MAGI2: variants seen among roughly 807,000 people sequenced by gnomAD.
The protein encoded by MAGI2 is membrane associated guanylate kinase, WW and PDZ domain containing 2.
In MAGI2, 35 loss-of-function variants were observed where a neutral mutation model predicts 133.3. The observed-to-expected ratio is 0.26, with a 90% CI of 0.20 to 0.35. MAGI2 has a LOEUF of 0.35. Among genes scored for constraint, MAGI2 ranks in the 10% least tolerant of loss-of-function variants. MAGI2 has a pLI of 1.00. For synonymous variants in MAGI2, 729 were observed against 710.6 expected (o/e 1.03, Z -0.41); for missense variants, 1,636 against 1,863.4 (o/e 0.88, Z 2.25).
At chr7:78,417,066 C>G (rs1026959744) in intron 6 of MAGI2, among the ~76,000 whole-genome samples, 1 of 151,992 alleles carries the variant, frequency 6.6e-6, no homozygotes, top group Non-Finnish European at 1.5e-5. Flanking sequence ...AGGATAAAAT[C>G]CTAATAAAAG....
chr7:78,252,319 GACAA>G (rs1226776391), intron 10 of MAGI2: 1 of 151,978 alleles, frequency 6.6e-6, no homozygotes, highest in African/African-American at 2.4e-5. Context: ...CACAAGAATA[GACAA>G]ACAGATCAAT....
chr7:78,172,975 T>G (rs560900310), intron 14 of MAGI2, among the ~76,000 whole-genome samples: 260 of 152,364 alleles, frequency 1.7e-3, no homozygotes, highest in Middle Eastern at 3.4e-3. Context: ...AGGCTGCTAC[T>G]TTATGGCTTA....
chr7:78,353,022 A>G (rs1791684432), intron 7 of MAGI2: 1 of 152,220 alleles, frequency 6.6e-6, no homozygotes, highest in Admixed American at 6.5e-5. Flanking sequence ...GCATGCATTA[A>G]AAAATGTTGT....
intron 21 of MAGI2, among the ~76,000 whole-genome samples, chr7:78,039,234 TA>T (rs199801525): frequency 2.2e-4 from 33 of 152,256 alleles, no homozygotes; most frequent in Middle Eastern, 3.4e-3. Flanking sequence ...AAAACTGGGT[TA>T]AAAAAATCTC....
intron 21 of MAGI2, among the ~76,000 whole-genome samples, chr7:78,034,720 G>C (rs1369256400): frequency 6.6e-6 from 1 of 152,046 alleles, no homozygotes; most frequent in African/African-American, 2.4e-5. Flanking sequence ...TAGAGACAGG[G>C]TTTCACCATG....
At chr7:78,326,963 C>CT (rs1480709053) in intron 9 of MAGI2, among the ~76,000 whole-genome samples, 4 of 152,160 alleles carry the variant, frequency 2.6e-5, no homozygotes, top group Non-Finnish European at 4.4e-5. Flanking sequence ...CAATTGTATG[C>CT]TTTTTTATGT....
At chr7:78,368,489 T>C (rs1793608410) in intron 7 of MAGI2, among the ~76,000 whole-genome samples, 1 of 152,168 alleles carries the variant, frequency 6.6e-6, no homozygotes, top group South Asian at 2.1e-4. Context: ...AATCGTCTGT[T>C]TGGAGAGAGT....
At chr7:79,430,558 C>A (rs187693532) in intron 1 of MAGI2, among the ~76,000 whole-genome samples, 59 of 152,274 alleles carry the variant, frequency 3.9e-4, no homozygotes, top group Non-Finnish European at 5.4e-4. Flanking sequence ...ATTGCCAGTT[C>A]CACAACCTCC....
At chr7:79,257,143 T>C (rs996641676) in intron 1 of MAGI2, among the ~76,000 whole-genome samples, 7 of 152,194 alleles carry the variant, frequency 4.6e-5, no homozygotes, top group South Asian at 4.1e-4. Flanking sequence ...GATAAATACA[T>C]ACAGTTTTAT....
intron 1 of MAGI2, among the ~76,000 whole-genome samples, chr7:79,214,421 A>C (rs1286837966): frequency 2.8e-4 from 35 of 123,640 alleles, no homozygotes; most frequent in African/African-American, 7.7e-4. Flanking sequence ...ATATATATAT[A>C]TATATATATA....
chr7:78,994,104 C>T (rs143770458), intron 2 of MAGI2, among the ~76,000 whole-genome samples: 1 of 152,074 alleles, frequency 6.6e-6, no homozygotes, highest in African/African-American at 2.4e-5. Context: ...CATATTATTG[C>T]GCCCAAAGAA....
At chr7:78,776,052 C>A (rs1213990582) in intron 2 of MAGI2, among the ~76,000 whole-genome samples, 1 of 152,192 alleles carries the variant, frequency 6.6e-6, no homozygotes, top group Non-Finnish European at 1.5e-5. Context: ...CATCCAAACT[C>A]TCTGTACCTC....
At chr7:79,108,377 C>T (rs987788048) in intron 1 of MAGI2, among the ~76,000 whole-genome samples, 5 of 152,326 alleles carry the variant, frequency 3.3e-5, no homozygotes, top group Non-Finnish European at 5.9e-5. Flanking sequence ...TGAGCTCATA[C>T]TCAAAACAGG....
intron 2 of MAGI2, among the ~76,000 whole-genome samples, chr7:78,720,465 T>C (rs1181417118): frequency 6.6e-6 from 1 of 152,072 alleles, no homozygotes; most frequent in Non-Finnish European, 1.5e-5. Context: ...ATCTGGACAG[T>C]ATGGGTCTAA....
chr7:78,202,413 T>G (rs1231196713), intron 10 of MAGI2, among the ~76,000 whole-genome samples: 3 of 152,140 alleles, frequency 2.0e-5, no homozygotes, highest in African/African-American at 7.2e-5. Context: ...CCGGGTGCAG[T>G]GGCTCACACC....
intron 1 of MAGI2, among the ~76,000 whole-genome samples, chr7:79,244,185 G>A (rs1361630401): frequency 6.6e-6 from 1 of 152,130 alleles, no homozygotes; most frequent in Non-Finnish European, 1.5e-5. Context: ...AACATACTGA[G>A]ACAGAGTAAG....
chr7:79,453,392 T>C lies in MAGI2; in HGVS notation c.-72A>G, dbSNP rs1408862906. 2.6e-6 allele frequency: 4 copies of C among 1,523,528 alleles called. No individual in the cohort carries two copies. The highest frequency in any genetic ancestry group is 2.8e-5 in the African/African-American group (2 of 71,790). 94.4% of individuals were successfully genotyped at this position (1,523,528 alleles called of 1,614,324 possible). ...GGGGCTGGTGGTGAGAGAATGAGGA[T>C]GGAGGAGCAAGGGGGCCCAGGGGGA... On this transcript the variant is annotated 5_prime_UTR_variant, in exon 1 of 22. Transcript: ENST00000354212.
intron 1 of MAGI2, among the ~76,000 whole-genome samples, chr7:79,178,685 C>A (rs1018266355): frequency 1.3e-5 from 2 of 151,262 alleles, no homozygotes; most frequent in South Asian, 4.2e-4. Context: ...GCACTCCAGA[C>A]TGGGCAACAG....
At chr7:78,460,612 G>A (rs1224660278) in intron 6 of MAGI2, among the ~76,000 whole-genome samples, 3 of 152,166 alleles carry the variant, frequency 2.0e-5, no homozygotes, top group Non-Finnish European at 2.9e-5. Flanking sequence ...AGGAATCTTT[G>A]AATGGCCAAC....
Sources: gnomAD v4.1 joint callset for allele counts (sites outside exome capture counted in the v4.1 genomes callset) on GRCh38, gnomAD v4.1.1 for gene constraint, MANE v1.5 for transcripts, NCBI Gene and HGNC (gene_info 2026-07-23, HGNC 2026-07-21) for gene names.